The following RNF145 variants were observed in gnomAD, a reference collection of about 807,000 sequenced individuals.
RNF145 encodes ring finger protein 145.
In RNF145, 12 loss-of-function variants were observed where a neutral mutation model predicts 57.3. The observed-to-expected ratio is 0.21, with a 90% confidence interval of 0.13 to 0.34. The LOEUF (loss-of-function observed/expected upper bound fraction) is 0.34, where lower values mean the gene tolerates loss of function less well. Ranked by LOEUF, RNF145 falls within the 10% of genes least tolerant of loss-of-function variation. RNF145 has a pLI of 1.00. For missense variants in RNF145, 429 were observed against 799.0 expected (o/e 0.54, Z 5.58); for synonymous variants, 262 against 288.3 (o/e 0.91, Z 0.92).
chr5:159,189,832 TGCA>T (rs907221798), intron 3 of RNF145, among the ~76,000 whole-genome samples: 4 of 152,168 alleles, frequency 2.6e-5, no homozygotes, highest in Non-Finnish European at 5.9e-5. Context: ...TGAAATTCAG[TGCA>T]TATAAAATAT....
rs772479886 is a variant in RNF145 at position 159,163,123 on chromosome 5, G to C, written c.1122-44C>G. The stretch of plus-strand genomic sequence containing the variant: ...ATTCTTTTTAAGTGCCTGCCACCTA[G>C]TAGCACAACCACTCACATCAGCAGC... On this transcript the variant is annotated intron_variant, in intron 8 of 10. Coordinates refer to ENST00000424310, the MANE Select transcript of RNF145 (RefSeq NM_001199383.2). The C allele has an allele frequency of 1.3e-5, 20 of 1,542,602 alleles. No homozygotes were observed. The Admixed American group carries it at 4.2e-4, about 32-fold the overall frequency.
intron 8 of RNF145, among the ~76,000 whole-genome samples, chr5:159,164,675 G>A (rs1407161090): frequency 7.9e-5 from 12 of 152,002 alleles, no homozygotes; most frequent in East Asian, 1.9e-4. Flanking sequence ...TTGAAACCTC[G>A]TGCAATAGGT....
intron 3 of RNF145, among the ~76,000 whole-genome samples, chr5:159,194,061 A>C (rs1785372594): frequency 6.6e-6 from 1 of 152,236 alleles, no homozygotes; most frequent in Non-Finnish European, 1.5e-5. Context: ...TAGATCTAGC[A>C]GACTTAGGTA....
chr5:159,192,352 C>T (rs1006002791), intron 3 of RNF145, among the ~76,000 whole-genome samples: 1 of 152,218 alleles, frequency 6.6e-6, no homozygotes. Flanking sequence ...GCCATCACTA[C>T]ACCACAAATG....
At chr5:159,183,941 GC>G (rs1460301805) in intron 3 of RNF145, among the ~76,000 whole-genome samples, 1 of 152,164 alleles carries the variant, frequency 6.6e-6, no homozygotes, top group Non-Finnish European at 1.5e-5. Context: ...TGTACTATAT[GC>G]CACTGAACTG....
At chr5:159,195,466 T>C (rs1183975603) in intron 2 of RNF145, among the ~76,000 whole-genome samples, 1 of 152,160 alleles carries the variant, frequency 6.6e-6, no homozygotes. Flanking sequence ...CCATCTACAA[T>C]CCCTTTACAA....
At chr5:159,181,895 G>T in intron 4 of RNF145, 65 bp downstream of exon 4, 1 of 927,900 alleles carries the variant, frequency 1.1e-6, no homozygotes, top group Non-Finnish European at 1.7e-6. Flanking sequence ...GAGTATGCAT[G>T]AATTTTATAA....
chr5:159,185,951 T>C (rs1785039093), intron 3 of RNF145, among the ~76,000 whole-genome samples: 1 of 152,254 alleles, frequency 6.6e-6, no homozygotes, highest in South Asian at 2.1e-4. Context: ...CCTCCGGCCA[T>C]GGTAGCTCAA....
chr5:159,171,864 T>C (rs1287968741), intron 6 of RNF145, among the ~76,000 whole-genome samples: 2 of 152,114 alleles, frequency 1.3e-5, no homozygotes, highest in Non-Finnish European at 2.9e-5. Flanking sequence ...TGAGAACTTC[T>C]CAAAGCAAAT....
chr5:159,199,327 G>A (rs1358959062), intron 2 of RNF145, among the ~76,000 whole-genome samples: 1 of 149,964 alleles, frequency 6.7e-6, no homozygotes, highest in Non-Finnish European at 1.5e-5. Flanking sequence ...CACTTGAGAA[G>A]TCTAAAGAAA....
intron 6 of RNF145, among the ~76,000 whole-genome samples, chr5:159,171,374 G>A (rs1202408265): frequency 6.6e-6 from 1 of 151,534 alleles, no homozygotes; most frequent in African/African-American, 2.4e-5. Flanking sequence ...CTATTTTTAC[G>A]GACCTTTCTC....
rs184704028 is a variant in RNF145 at position 159,199,962 on chromosome 5, T to A, written c.184+3472A>T. ...TCCCTCCCTTAATTTTTAAGCTCCT[T>A]AATTACAATTAGAAGACATAAAGGG... On this transcript the variant is annotated intron_variant, in intron 2 of 10. Coordinates refer to ENST00000424310, the MANE Select transcript of RNF145 (RefSeq NM_001199383.2). Among the ~76,000 whole-genome samples, 442 of 152,188 alleles carry A rather than the reference T, an allele frequency of 2.9e-3. 1 individual carries two copies. The highest frequency in any genetic ancestry group is 9.8e-3 in the African/African-American group (406 of 41,508).
intron 5 of RNF145, among the ~76,000 whole-genome samples, chr5:159,174,752 A>G (rs1784661151): frequency 6.6e-6 from 1 of 152,070 alleles, no homozygotes; most frequent in South Asian, 2.1e-4. Flanking sequence ...TGGTTTGCCA[A>G]GTGTAAGTAA....
At position 159,169,754 on chromosome 5, in the gene RNF145, G is replaced by A; in HGVS notation, c.863C>T (p.Ala288Val). The change falls in exon 7 of 11, where the codon GCC becomes GTC. Residue 288 changes from alanine to valine, a missense_variant. Transcript: ENST00000424310. Reference sequence around the variant, plus strand: ...CTTGCAGAGTGTGAGAACACCCAAGGCAACAAAAGAAACCGTGAAGACCAA... The same window carrying A: ...CTTGCAGAGTGTGAGAACACCCAAGACAACAAAAGAAACCGTGAAGACCAA... ...LGLVFTVSFV[A>V]LGVLTLCKFY... The A allele has an allele frequency of 6.2e-7, 1 of 1,613,012 alleles. No homozygotes were observed. The highest frequency in any genetic ancestry group is 8.5e-7 in the Non-Finnish European group (1 of 1,179,312).
intron 2 of RNF145, 107 bp downstream of exon 2, chr5:159,203,327 T>A (rs1048381798): frequency 5.4e-6 from 4 of 741,546 alleles, no homozygotes; most frequent in Non-Finnish European, 9.3e-6. Context: ...ACTATATCAC[T>A]ATCATCTTAA....
At chr5:159,209,126 G>A (rs935483153) in intron 1 of RNF145, 105 bp downstream of exon 1, 5 of 269,090 alleles carry the variant, frequency 1.9e-5, no homozygotes, top group Non-Finnish European at 2.8e-5. Flanking sequence ...GGCGAACAGG[G>A]AGAAGAGGAA....
intron 1 of RNF145, among the ~76,000 whole-genome samples, chr5:159,205,486 T>A (rs894557967): frequency 3.3e-5 from 5 of 151,864 alleles, no homozygotes; most frequent in Admixed American, 2.6e-4. Context: ...TGGTAAAGAG[T>A]TTAATGCATT....
At chr5:159,207,901 C>T (rs759633276) in intron 1 of RNF145, 2 of 1,612,652 alleles carry the variant, frequency 1.2e-6, no homozygotes, top group African/African-American at 1.3e-5. Context: ...TGCCATCGGC[C>T]GCTCAGCCTG....
At chr5:159,176,596 T>G (rs1331054328) in intron 5 of RNF145, 36 bp downstream of exon 5, 3 of 1,159,088 alleles carry the variant, frequency 2.6e-6, no homozygotes, top group Admixed American at 1.9e-5. Context: ...TTATGTAGAA[T>G]TTTATCTACC....
Sources: gnomAD v4.1 joint callset for allele counts (sites outside exome capture counted in the v4.1 genomes callset) on GRCh38, gnomAD v4.1.1 for gene constraint, MANE v1.5 for transcripts, NCBI Gene and HGNC (gene_info 2026-07-23, HGNC 2026-07-21) for gene names.